RANBP10: variants seen among roughly 807,000 people sequenced by gnomAD.
The protein encoded by RANBP10 is RAN binding protein 10, also known as ran-binding protein 10.
Under a neutral mutation model 72.8 loss-of-function variants are expected in RANBP10, and 24 were observed. The ratio of observed to expected loss-of-function variants is 0.33; its 90% CI spans 0.24 to 0.46. The LOEUF (loss-of-function observed/expected upper bound fraction) is 0.46, where lower values mean the gene tolerates loss of function less well. Ranked by LOEUF, RANBP10 falls within the 20% of genes least tolerant of loss-of-function variation. The pLI is 1.00. For missense variants in RANBP10, 679 were observed against 817.5 expected (o/e 0.83, Z 2.07); for synonymous variants, 310 against 322.3 (o/e 0.96, Z 0.41).
At chr16:67,733,293 G>A (rs920543452) in intron 6 of RANBP10, among the ~76,000 whole-genome samples, 6 of 152,062 alleles carry the variant, frequency 3.9e-5, no homozygotes, top group Non-Finnish European at 1.5e-5. Context: ...TTGAGCTCAG[G>A]AGGTCCATGC....
At chr16:67,727,686 C>T in intron 12 of RANBP10, 65 bp downstream of exon 12, 2 of 1,608,908 alleles carry the variant, frequency 1.2e-6, no homozygotes, top group South Asian at 2.2e-5. Context: ...TGGACTCTCC[C>T]AGAGCCACCC....
intron 2 of RANBP10, among the ~76,000 whole-genome samples, chr16:67,784,809 A>C (rs917874745): frequency 3.9e-5 from 6 of 151,902 alleles, no homozygotes; most frequent in African/African-American, 1.5e-4. Context: ...ACAAGAGCGA[A>C]ACTCCATCTA....
intron 3 of RANBP10, among the ~76,000 whole-genome samples, chr16:67,771,078 T>TGGCA (rs1373955863): frequency 6.6e-6 from 1 of 152,042 alleles, no homozygotes; most frequent in African/African-American, 2.4e-5. Flanking sequence ...GCCTGGGCAA[T>TGGCA]GGCAGAACTC....
intron 5 of RANBP10, among the ~76,000 whole-genome samples, chr16:67,737,515 CT>C (rs1441394637): frequency 6.6e-6 from 1 of 152,002 alleles, no homozygotes; most frequent in Non-Finnish European, 1.5e-5. Context: ...AAACTCCATC[CT>C]TTTCTAAGAA....
At chr16:67,757,674 A>G (rs2054312516) in intron 3 of RANBP10, among the ~76,000 whole-genome samples, 1 of 152,192 alleles carries the variant, frequency 6.6e-6, no homozygotes, top group Non-Finnish European at 1.5e-5. Flanking sequence ...GCAGCTCAAC[A>G]ATGGATAATG....
chr16:67,736,939 C>T (rs1041790953), intron 5 of RANBP10, among the ~76,000 whole-genome samples: 1 of 152,150 alleles, frequency 6.6e-6, no homozygotes, highest in Non-Finnish European at 1.5e-5. Context: ...GATCCCAAAG[C>T]AGCCACCAGA....
intron 3 of RANBP10, among the ~76,000 whole-genome samples, chr16:67,755,998 C>G (rs2054279860): frequency 2.0e-5 from 3 of 152,228 alleles, no homozygotes; most frequent in African/African-American, 7.2e-5. Context: ...AACCAGCAGG[C>G]AGGAGGCCCC....
intron 5 of RANBP10, among the ~76,000 whole-genome samples, chr16:67,737,402 C>T (rs1259526051): frequency 1.3e-5 from 2 of 151,852 alleles, no homozygotes; most frequent in East Asian, 1.9e-4. Context: ...CAGGGTTTCA[C>T]CCTGTTAGCC....
intron 2 of RANBP10, among the ~76,000 whole-genome samples, chr16:67,773,956 C>T (rs1186134088): frequency 6.6e-6 from 1 of 152,238 alleles, no homozygotes; most frequent in Admixed American, 6.5e-5. Flanking sequence ...CAGAAGCTGT[C>T]TTAGCCTGCT....
At chr16:67,805,644 G>A in intron 1 of RANBP10, 105 bp from the exon 2 acceptor site, 2 of 897,512 alleles carry the variant, frequency 2.2e-6, no homozygotes, top group African/African-American at 1.7e-5. Flanking sequence ...TCTGTGGCCA[G>A]AGGACGCACT....
chr16:67,793,296 G>C (rs1388584088), intron 2 of RANBP10, among the ~76,000 whole-genome samples: 1 of 150,870 alleles, frequency 6.6e-6, no homozygotes, highest in African/African-American at 2.4e-5. Flanking sequence ...GCCTTGAGTT[G>C]GCTGGCTTGT....
At chr16:67,793,912 C>T (rs935148420) in intron 2 of RANBP10, among the ~76,000 whole-genome samples, 1 of 151,990 alleles carries the variant, frequency 6.6e-6, no homozygotes, top group Non-Finnish European at 1.5e-5. Flanking sequence ...ACGAGTCTCA[C>T]TCTCTCATCC....
rs190999067 is a variant in RANBP10, at chr16:67,728,373, C to G, written c.1474+17G>C. ...ACACTGCCCTCAAAGAATAGCACAC[C>G]GGGCCGTGGCTCTCACCCATGCTGG... On this transcript the variant is annotated intron_variant, in intron 11 of 13. Transcript: ENST00000317506. 6.2e-7 allele frequency: 1 copy of G among 1,612,356 alleles called. No individual in the cohort carries two copies. Among genetic ancestry groups the G allele is most frequent in the Non-Finnish European group, 8.5e-7 (1 of 1,178,724 alleles).
At chr16:67,747,796 C>T (rs181668972) in intron 3 of RANBP10, among the ~76,000 whole-genome samples, 3 of 149,770 alleles carry the variant, frequency 2.0e-5, no homozygotes, top group Non-Finnish European at 4.4e-5. Flanking sequence ...TGAGCCATGG[C>T]GCTTGGCCTC....
intron 3 of RANBP10, among the ~76,000 whole-genome samples, chr16:67,752,139 C>T (rs2054209362): frequency 6.6e-6 from 1 of 152,156 alleles, no homozygotes; most frequent in African/African-American, 2.4e-5. Context: ...CCGGATAAGA[C>T]CCCCACCCCA....
chr16:67,773,894 A>C (rs1435363270), intron 2 of RANBP10, among the ~76,000 whole-genome samples: 3 of 152,198 alleles, frequency 2.0e-5, no homozygotes, highest in East Asian at 1.9e-4. Context: ...AGAAACACAC[A>C]AACTGCCTGC....
chr16:67,725,581 T>C lies in RANBP10; in HGVS notation c.*847A>G, dbSNP rs988703051. ...GCAGGCAGTGGGAGGTGGGGTAGAG[T>C]GGTAGATAGTGTGCTGGCCAAGGAC... On this transcript the variant is annotated 3_prime_UTR_variant, in exon 14 of 14. Coordinates refer to ENST00000317506, the MANE Select transcript of RANBP10 (RefSeq NM_020850.3). 4.0e-5 allele frequency: 6 copies of C among 151,748 alleles called. No homozygotes were observed. The highest frequency in any genetic ancestry group is 8.8e-5 in the Non-Finnish European group (6 of 67,874). The allele number at this position is 151,748 out of a possible 1,614,324, so 9.4% of individuals were successfully genotyped here. A position where few individuals can be genotyped will look rare whatever the true frequency, so the allele number is the denominator to read the frequency against.
At chr16:67,779,448 T>C (rs1243951696) in intron 2 of RANBP10, among the ~76,000 whole-genome samples, 1 of 150,650 alleles carries the variant, frequency 6.6e-6, no homozygotes, top group African/African-American at 2.4e-5. Flanking sequence ...CCCTTTGAGC[T>C]GCCAAGAATG....
intron 2 of RANBP10, among the ~76,000 whole-genome samples, chr16:67,786,494 G>C (rs992277507): frequency 3.0e-4 from 46 of 152,262 alleles, no homozygotes; most frequent in Non-Finnish European, 6.0e-4. Context: ...CAAAGGACTT[G>C]AACAGACATT....
Sources: allele counts gnomAD v4.1 joint callset (sites outside exome capture counted in the v4.1 genomes callset), GRCh38; gene constraint gnomAD v4.1.1; transcripts MANE v1.5; gene names NCBI Gene and HGNC (gene_info 2026-07-23, HGNC 2026-07-21).